The following CELF4 variants were observed in gnomAD, a reference collection of about 807,000 sequenced individuals.
CELF4 encodes CUGBP Elav-like family member 4.
CELF4 carries 18 observed loss-of-function variants against 59.9 expected under a neutral mutation model. The ratio of observed to expected loss-of-function variants is 0.30; its 90% CI spans 0.21 to 0.45. CELF4 has a LOEUF of 0.45. Among genes scored for constraint, CELF4 ranks in the 20% least tolerant of loss-of-function variants. The probability of loss-of-function intolerance (pLI) is 1.00; values close to 1 mark genes in which losing one functional copy is unlikely to be tolerated. For synonymous variants in CELF4, 261 were observed against 267.1 expected, an observed-to-expected ratio of 0.98 and a Z score of 0.22; for missense variants, 456 against 689.0, an observed-to-expected ratio of 0.66 and a Z score of 3.79.
chr18:37,359,929 A>C (rs929786452), intron 2 of CELF4, among the ~76,000 whole-genome samples: 3 of 150,704 alleles, frequency 2.0e-5, no homozygotes, highest in African/African-American at 7.3e-5. Context: ...GGCTCACTGC[A>C]ACCTCCACTT....
At chr18:37,390,257 C>G (rs1052382818) in intron 2 of CELF4, among the ~76,000 whole-genome samples, 1 of 152,170 alleles carries the variant, frequency 6.6e-6, no homozygotes, top group Non-Finnish European at 1.5e-5. Context: ...AGTTTCTCCA[C>G]TTGATTCTTC....
At chr18:37,309,166 T>A (rs895244631) in intron 3 of CELF4, among the ~76,000 whole-genome samples, 2 of 152,166 alleles carry the variant, frequency 1.3e-5, no homozygotes, top group African/African-American at 2.4e-5. Flanking sequence ...ATCTGATGGT[T>A]GGTATTGATG....
chr18:37,544,883 C>T lies in CELF4; in HGVS notation c.286+20473G>A, dbSNP rs991933194. Among the ~76,000 whole-genome samples the T allele has an allele frequency of 3.3e-5, 5 of 152,248 alleles. No homozygotes were observed. The East Asian group carries it at 5.8e-4, about 18-fold the overall frequency. ...GTGTCTGGTTGAGGCCTGAGGAAGCCGCAGCATTGTTGACAACTTGGACAG... is the reference window on the plus strand; with the variant it reads ...GTGTCTGGTTGAGGCCTGAGGAAGCTGCAGCATTGTTGACAACTTGGACAG... On this transcript the variant is annotated intron_variant, in intron 1 of 12. Transcript: ENST00000420428.
intron 2 of CELF4, among the ~76,000 whole-genome samples, chr18:37,331,933 G>A (rs1291444833): frequency 6.6e-6 from 1 of 152,186 alleles, no homozygotes; most frequent in African/African-American, 2.4e-5. Flanking sequence ...AGCTTGTAGA[G>A]TGGGCAGCGG....
At chr18:37,372,477 G>A (rs1017737642) in intron 2 of CELF4, among the ~76,000 whole-genome samples, 2 of 152,182 alleles carry the variant, frequency 1.3e-5, no homozygotes, top group African/African-American at 4.8e-5. Flanking sequence ...ACCGGGGCCT[G>A]TCGTGGGATG....
In CELF4 at chr18:37,270,783, T is replaced by C. The variant is rs372922900; in HGVS notation, c.1084A>G (p.Ile362Val). The change falls in exon 8 of 13, where the codon ATC becomes GTC. Residue 362 changes from isoleucine to valine, a missense_variant. Ile to Val is a conservative substitution (Grantham distance 29). Coordinates refer to ENST00000420428, the MANE Select transcript of CELF4 (RefSeq NM_020180.4). ...PAAEAVFANG[I>V]HPYPAQSPTA... The stretch of plus-strand genomic sequence containing the variant: ...ATGTGCTTACCTGGGTAGGGGTGGA[T>C]GCCATTGGCGAACACAGCTTCCGCA... The C allele has an allele frequency of 2.5e-5, 41 of 1,614,004 alleles. No homozygotes were observed. Among genetic ancestry groups the C allele is most frequent in the Non-Finnish European group, 3.5e-5 (41 of 1,179,976 alleles).
At chr18:37,355,613 C>T (rs1051259613) in intron 2 of CELF4, among the ~76,000 whole-genome samples, 2 of 151,850 alleles carry the variant, frequency 1.3e-5, no homozygotes, top group African/African-American at 2.4e-5. Flanking sequence ...GCAGAGGTTG[C>T]AGTGAGCCGA....
intron 2 of CELF4, chr18:37,473,469 G>A (rs1443239215): frequency 6.6e-6 from 1 of 152,194 alleles, no homozygotes. Context: ...GCACAAACTC[G>A]AGAAAGACAC....
At chr18:37,410,534 G>C (rs2099434137) in intron 2 of CELF4, among the ~76,000 whole-genome samples, 1 of 152,270 alleles carries the variant, frequency 6.6e-6, no homozygotes, top group Non-Finnish European at 1.5e-5. Context: ...GTGTGTGCGT[G>C]TGGGCATCCC....
chr18:37,422,137 T>G (rs560433064), intron 2 of CELF4, among the ~76,000 whole-genome samples: 1 of 152,222 alleles, frequency 6.6e-6, no homozygotes, highest in East Asian at 1.9e-4. Context: ...GGAGGCGACT[T>G]CTCCCAGGAG....
chr18:37,540,226 G>A (rs2099976806), intron 1 of CELF4, among the ~76,000 whole-genome samples: 1 of 152,222 alleles, frequency 6.6e-6, no homozygotes, highest in South Asian at 2.1e-4. Context: ...AGGATGTGGA[G>A]AGGTTGCCTG....
intron 2 of CELF4, among the ~76,000 whole-genome samples, chr18:37,423,923 T>C (rs2099595697): frequency 1.3e-5 from 2 of 151,994 alleles, no homozygotes; most frequent in Non-Finnish European, 2.9e-5. Flanking sequence ...CACCATGCCA[T>C]CTCTTCCTCA....
At chr18:37,481,861 C>A (rs1451629391) in intron 2 of CELF4, among the ~76,000 whole-genome samples, 1 of 152,192 alleles carries the variant, frequency 6.6e-6, no homozygotes, top group African/African-American at 2.4e-5. Flanking sequence ...CAGTGCTGGT[C>A]CTGGCTCGGC....
chr18:37,423,558 C>T (rs1322216190), intron 2 of CELF4, among the ~76,000 whole-genome samples: 1 of 152,134 alleles, frequency 6.6e-6, no homozygotes, highest in Non-Finnish European at 1.5e-5. Flanking sequence ...TCCCAGGTCC[C>T]TGGCCTGGTG....
chr18:37,431,110 C>T (rs954244333), intron 2 of CELF4, among the ~76,000 whole-genome samples: 2 of 152,094 alleles, frequency 1.3e-5, no homozygotes, highest in Non-Finnish European at 2.9e-5. Flanking sequence ...GAGGATGGGC[C>T]GCTGAGCCCT....
At chr18:37,355,099 T>C (rs1307428131) in intron 2 of CELF4, among the ~76,000 whole-genome samples, 2 of 152,200 alleles carry the variant, frequency 1.3e-5, no homozygotes, top group African/African-American at 2.4e-5. Flanking sequence ...AAATGCTTGA[T>C]TTTGTGTCTA....
intron 2 of CELF4, among the ~76,000 whole-genome samples, chr18:37,332,456 G>C (rs1465696120): frequency 6.6e-6 from 1 of 152,192 alleles, no homozygotes; most frequent in Non-Finnish European, 1.5e-5. Flanking sequence ...ATAGCCTGCT[G>C]GTGGGCTGGC....
chr18:37,400,806 A>T (rs75124240), intron 2 of CELF4, among the ~76,000 whole-genome samples: 3,038 of 152,288 alleles, frequency 0.02, 36 homozygotes, highest in Middle Eastern at 0.031. Flanking sequence ...TGAGCAGATG[A>T]TGTTCTTTGT....
At chr18:37,542,989 A>G (rs2099978888) in intron 1 of CELF4, among the ~76,000 whole-genome samples, 1 of 151,646 alleles carries the variant, frequency 6.6e-6, no homozygotes. Flanking sequence ...ACTGATGAGG[A>G]CTCCCCATCA....
Sources: allele counts gnomAD v4.1 joint callset (sites outside exome capture counted in the v4.1 genomes callset), GRCh38; gene constraint gnomAD v4.1.1; transcripts MANE v1.5; gene names NCBI Gene and HGNC (gene_info 2026-07-23, HGNC 2026-07-21).